PTGIS: variants seen among roughly 807,000 people sequenced by gnomAD.
The protein encoded by PTGIS is prostaglandin I2 synthase, also known as prostacyclin synthase.
A neutral mutation model predicts 50.3 loss-of-function variants in PTGIS; 45 were observed. The observed-to-expected ratio is 0.90, with a 90% CI of 0.70 to 1.15. The LOEUF (loss-of-function observed/expected upper bound fraction) is 1.15, where lower values mean the gene tolerates loss of function less well. Ranked by LOEUF, PTGIS falls within the 50% of genes most tolerant of loss-of-function variation. The pLI, the probability that PTGIS is intolerant of heterozygous loss-of-function variation, is 0.00. For synonymous variants in PTGIS, 260 were observed against 267.7 expected (o/e 0.97, Z 0.28); for missense variants, 668 against 661.3 (o/e 1.01, Z -0.11).
intron 1 of PTGIS, among the ~76,000 whole-genome samples, chr20:49,561,040 A>G (rs1982761668): frequency 6.6e-6 from 1 of 152,098 alleles, no homozygotes; most frequent in Non-Finnish European, 1.5e-5. Flanking sequence ...AGCAATGGCC[A>G]TGGTCCCCGG....
Position 49,544,299 on chromosome 20 carries a change from C to A in PTGIS, c.521+6G>T, listed in dbSNP as rs924935428. On this transcript the variant is annotated splice_donor_region_variant and intron_variant, in intron 4 of 9. Coordinates refer to ENST00000244043, the MANE Select transcript of PTGIS (RefSeq NM_000961.4). ...CAGCAGGAGGGTGGGGGCTGCACAGCCTCACCTGAGCAGGAAGCTGTAGGA... is the reference window on the plus strand; with the variant it reads ...CAGCAGGAGGGTGGGGGCTGCACAGACTCACCTGAGCAGGAAGCTGTAGGA... The A allele has an allele frequency of 4.3e-6, 7 of 1,613,936 alleles. No homozygotes were observed. Among genetic ancestry groups the A allele is most frequent in the Non-Finnish European group, 5.9e-6 (7 of 1,180,028 alleles).
At chr20:49,524,481 G>T (rs780284121) in intron 5 of PTGIS, among the ~76,000 whole-genome samples, 11 of 152,156 alleles carry the variant, frequency 7.2e-5, no homozygotes, top group Admixed American at 6.5e-4. Flanking sequence ...TCCTGCAGGT[G>T]GGAGCCTGAT....
At position 49,507,505 on chromosome 20, in the gene PTGIS, T is replaced by G. The variant is rs1981185362; in HGVS notation, c.*415A>C. 1 of 312,902 alleles carries G rather than the reference T, an allele frequency of 3.2e-6. No homozygotes were observed. Among genetic ancestry groups the G allele is most frequent in the Admixed American group, 4.5e-5 (1 of 22,430 alleles). 19.4% of individuals were successfully genotyped at this position (312,902 alleles called of 1,614,324 possible). A position where few individuals can be genotyped will look rare whatever the true frequency, so the allele number is the denominator to read the frequency against. On this transcript the variant is annotated 3_prime_UTR_variant, in exon 10 of 10. Coordinates refer to ENST00000244043, the MANE Select transcript of PTGIS (RefSeq NM_000961.4). ...AAGGACATCCTGAGTGGCCTTTCTGTGGCCAGCATCCGCTTTGACTGGATA... is the reference window on the plus strand; with the variant it reads ...AAGGACATCCTGAGTGGCCTTTCTGGGGCCAGCATCCGCTTTGACTGGATA...
At position 49,504,701 on chromosome 20, in the gene PTGIS, A is replaced by T. The variant is rs1344510446; in HGVS notation, c.*3219T>A. The T allele has an allele frequency of 1.3e-5, 2 of 152,182 alleles. No individual in the cohort carries two copies. Among genetic ancestry groups the T allele is most frequent in the East Asian group, 3.9e-4 (2 of 5,192 alleles). 9.4% of individuals were successfully genotyped at this position (152,182 alleles called of 1,614,324 possible). Reference sequence around the variant, plus strand: ...AAGCGTGAAACTCCGTCTCAAAAAAAAAAAAAAAAGTTTAAAAAGCGAGTC... The same window carrying T: ...AAGCGTGAAACTCCGTCTCAAAAAATAAAAAAAAAGTTTAAAAAGCGAGTC... On this transcript the variant is annotated 3_prime_UTR_variant, in exon 10 of 10. Coordinates refer to ENST00000244043, the MANE Select transcript of PTGIS (RefSeq NM_000961.4).
chr20:49,533,564 TAAAG>T (rs1258819255), intron 5 of PTGIS, among the ~76,000 whole-genome samples: 1 of 151,726 alleles, frequency 6.6e-6, no homozygotes, highest in Non-Finnish European at 1.5e-5. Flanking sequence ...AGAAGAAAAA[TAAAG>T]AATCTAAGAG....
chr20:49,557,185 T>C (rs1358579169), intron 1 of PTGIS, among the ~76,000 whole-genome samples: 1 of 152,194 alleles, frequency 6.6e-6, no homozygotes, highest in Non-Finnish European at 1.5e-5. Context: ...TTCCTAACAA[T>C]GTGGGACCTA....
At chr20:49,555,116 C>CA (rs1439303005) in intron 1 of PTGIS, among the ~76,000 whole-genome samples, 26 of 151,840 alleles carry the variant, frequency 1.7e-4, no homozygotes, top group Admixed American at 5.2e-4. Context: ...ACTAAAAATA[C>CA]AAAAAAATTG....
chr20:49,539,308 A>C, intron 5 of PTGIS, among the ~76,000 whole-genome samples: 1 of 151,930 alleles, frequency 6.6e-6, no homozygotes, highest in South Asian at 2.1e-4. Context: ...CACAAAAAGG[A>C]ACACACACAC....
chr20:49,543,078 T>A (rs998127758), intron 4 of PTGIS, among the ~76,000 whole-genome samples: 4 of 152,150 alleles, frequency 2.6e-5, no homozygotes, highest in African/African-American at 9.7e-5. Flanking sequence ...TGTCCTTTTT[T>A]AAATTAAATT....
At chr20:49,535,809 C>G (rs987931476) in intron 5 of PTGIS, among the ~76,000 whole-genome samples, 2 of 152,244 alleles carry the variant, frequency 1.3e-5, no homozygotes, top group Admixed American at 1.3e-4. Context: ...AGCCACCGTG[C>G]TCGGCCAGAT....
intron 8 of PTGIS, among the ~76,000 whole-genome samples, chr20:49,512,338 T>C (rs765526329): frequency 6.6e-6 from 1 of 151,548 alleles, no homozygotes; most frequent in Non-Finnish European, 1.5e-5. Flanking sequence ...GATGGATGGA[T>C]AGATGAGTGG....
At chr20:49,559,062 G>A (rs1024709250) in intron 1 of PTGIS, among the ~76,000 whole-genome samples, 11 of 152,124 alleles carry the variant, frequency 7.2e-5, no homozygotes, top group African/African-American at 2.4e-4. Context: ...AAGGGAACAC[G>A]TTAAATCATG....
intron 1 of PTGIS, among the ~76,000 whole-genome samples, chr20:49,563,556 G>T (rs1982828470): frequency 6.6e-6 from 1 of 152,208 alleles, no homozygotes; most frequent in Non-Finnish European, 1.5e-5. Context: ...TCCCAGGAAA[G>T]TATTGCTAGA....
intron 6 of PTGIS, among the ~76,000 whole-genome samples, chr20:49,520,619 C>T (rs770614344): frequency 2.0e-5 from 3 of 152,094 alleles, no homozygotes; most frequent in Non-Finnish European, 4.4e-5. Context: ...CAGGCGTGAG[C>T]CACTGCGCCT....
chr20:49,531,043 G>A (rs1981922207), intron 5 of PTGIS, among the ~76,000 whole-genome samples: 1 of 152,172 alleles, frequency 6.6e-6, no homozygotes, highest in Non-Finnish European at 1.5e-5. Flanking sequence ...ACAGGTGTGA[G>A]CCACCGCTCC....
At chr20:49,555,894 A>G (rs905802838) in intron 1 of PTGIS, among the ~76,000 whole-genome samples, 8 of 152,222 alleles carry the variant, frequency 5.3e-5, no homozygotes, top group Admixed American at 5.2e-4. Flanking sequence ...AATAGGGAGA[A>G]AAACTTCCAG....
At chr20:49,521,870 T>C (rs1981661746) in intron 6 of PTGIS, among the ~76,000 whole-genome samples, 1 of 152,066 alleles carries the variant, frequency 6.6e-6, no homozygotes, top group Non-Finnish European at 1.5e-5. Flanking sequence ...CTCACTCCAA[T>C]ATCTGGTCCA....
Position 49,540,487 on chromosome 20 carries a change from G to A in PTGIS, c.522-766C>T, listed in dbSNP as rs1248229581. ...GGGGTGTGAGGCAGAGGATGGGAGG[G>A]CCTGGGCTGTCAGGGCTGGCCACGC... On this transcript the variant is annotated intron_variant, in intron 4 of 9. Coordinates refer to ENST00000244043, the MANE Select transcript of PTGIS (RefSeq NM_000961.4). The surrounding 1 kb of genome is among the most constrained non-coding windows in gnomAD (Gnocchi z 4.8). Among the ~76,000 whole-genome samples the A allele has an allele frequency of 6.6e-6, 1 of 152,156 alleles. No homozygotes were observed. Among genetic ancestry groups the A allele is most frequent in the Admixed American group, 6.5e-5 (1 of 15,274 alleles).
intron 1 of PTGIS, among the ~76,000 whole-genome samples, chr20:49,557,075 C>CT (rs934149960): frequency 6.6e-6 from 1 of 152,074 alleles, no homozygotes; most frequent in Non-Finnish European, 1.5e-5. Flanking sequence ...TTCGTTCTTT[C>CT]TTTTTTGTTT....
Sources: allele counts gnomAD v4.1 joint callset (sites outside exome capture counted in the v4.1 genomes callset), GRCh38; gene constraint gnomAD v4.1.1; non-coding constraint Gnocchi (gnomAD v3.1); transcripts MANE v1.5; gene names NCBI Gene and HGNC (gene_info 2026-07-23, HGNC 2026-07-21).